Variants in SLC16A7 observed in about 807,000 individuals in gnomAD.
The protein encoded by SLC16A7 is solute carrier family 16 member 7.
Under a neutral mutation model 34.9 loss-of-function variants are expected in SLC16A7, and 33 were observed. The ratio of observed to expected loss-of-function variants is 0.94; its 90% CI spans 0.72 to 1.26. The LOEUF is 1.26. SLC16A7 is among the 50% of genes most tolerant of loss of function. SLC16A7 has a pLI of 0.00. For synonymous variants in SLC16A7, 201 were observed against 206.6 expected, an observed-to-expected ratio of 0.97 and a Z score of 0.23; for missense variants, 573 against 578.1, an observed-to-expected ratio of 0.99 and a Z score of 0.09.
At chr12:59,677,134 C>T (rs1870376371) in intron 2 of SLC16A7, among the ~76,000 whole-genome samples, 1 of 151,982 alleles carries the variant, frequency 6.6e-6, no homozygotes, top group African/African-American at 2.4e-5. Context: ...ATAATGGAAT[C>T]TAGGATGAGA....
At position 59,779,496 on chromosome 12, in the gene SLC16A7, C is replaced by G. The variant is rs952553480; in HGVS notation, c.1254C>G (p.Ser418Arg). The change falls in exon 6 of 6, where the codon AGC (serine) becomes AGG (arginine). Residue 418 changes from serine (S) to arginine (R), a missense_variant. Coordinates refer to ENST00000547379, the MANE Select transcript of SLC16A7 (RefSeq NM_001270623.2). ...MSCGAIVVAA[S>R]VWLLIGNAIN... The stretch of plus-strand genomic sequence containing the variant: ...GTGGGGCTATTGTGGTAGCAGCAAG[C>G]GTGTGGCTGCTCATTGGCAATGCTA... The G allele has an allele frequency of 5.6e-6, 9 of 1,608,902 alleles. No individual in the cohort carries two copies. Among genetic ancestry groups the G allele is most frequent in the Middle Eastern group, 1.7e-4 (1 of 6,040 alleles).
At chr12:59,741,512 A>G (rs556960879) in intron 3 of SLC16A7, among the ~76,000 whole-genome samples, 21 of 152,342 alleles carry the variant, frequency 1.4e-4, no homozygotes, top group African/African-American at 5.0e-4. Flanking sequence ...ATCCAGAGAT[A>G]CAGTGACGGG....
intron 1 of SLC16A7, among the ~76,000 whole-genome samples, chr12:59,627,071 T>A (rs1356679860): frequency 3.3e-5 from 5 of 151,848 alleles, no homozygotes; most frequent in Non-Finnish European, 5.9e-5. Flanking sequence ...CACAGTTGAG[T>A]TGTCTTGTAA....
In SLC16A7 at chr12:59,785,823, GA is replaced by G. The variant is rs1261590442; in HGVS notation, c.*6145del. On this transcript the variant is annotated 3_prime_UTR_variant, in exon 6 of 6. Transcript: ENST00000547379. The stretch of plus-strand genomic sequence containing the variant: ...AATTTAAATATGGCAAAATAAGCTA[GA>G]GAATCTCAGTGTGAAAACACTGATA... 1.3e-5 allele frequency: 2 copies of G among 152,016 alleles called. No homozygotes were observed. 9.4% of individuals were successfully genotyped at this position (152,016 alleles called of 1,614,324 possible). A position where few individuals can be genotyped will look rare whatever the true frequency, so the allele number is the denominator to read the frequency against.
intron 3 of SLC16A7, among the ~76,000 whole-genome samples, chr12:59,730,902 G>A (rs968953289): frequency 1.3e-5 from 2 of 151,992 alleles, no homozygotes; most frequent in African/African-American, 2.4e-5. Flanking sequence ...TGTTTATCCC[G>A]AGACCCATCA....
intron 3 of SLC16A7, among the ~76,000 whole-genome samples, chr12:59,753,074 A>C (rs570640693): frequency 8.5e-5 from 13 of 152,282 alleles, no homozygotes; most frequent in African/African-American, 2.9e-4. Flanking sequence ...TTGTCACCAC[A>C]AGGCCTGCCC....
At chr12:59,707,609 T>C (rs974638365) in intron 3 of SLC16A7, among the ~76,000 whole-genome samples, 1 of 152,092 alleles carries the variant, frequency 6.6e-6, no homozygotes, top group Non-Finnish European at 1.5e-5. Context: ...TAGTTATAAA[T>C]TTGGAAAAAG....
intron 2 of SLC16A7, chr12:59,689,591 G>A (rs1176541962): frequency 6.6e-6 from 1 of 150,436 alleles, no homozygotes; most frequent in Non-Finnish European, 1.5e-5. Context: ...AGATCCTGTG[G>A]GGTTTTTTTT....
At chr12:59,723,129 G>T (rs1356603150) in intron 3 of SLC16A7, among the ~76,000 whole-genome samples, 3 of 151,688 alleles carry the variant, frequency 2.0e-5, no homozygotes, top group Non-Finnish European at 4.4e-5. Flanking sequence ...TGTATTCCTA[G>T]ACATACCCTG....
intron 1 of SLC16A7, among the ~76,000 whole-genome samples, chr12:59,610,341 A>C (rs913534973): frequency 6.6e-6 from 1 of 152,244 alleles, no homozygotes; most frequent in African/African-American, 2.4e-5. Context: ...ACTCTTCCAC[A>C]TGTACAATTC....
rs573131484 is a variant in SLC16A7 at position 59,762,905 on chromosome 12, C to A, written c.218-8314C>A. ...TCATGGGACAGAAAAATGATAAATT[C>A]TGTATTCAATCTACATTTGAACTTA... On this transcript the variant is annotated intron_variant, in intron 3 of 5. Transcript: ENST00000547379. 7.5e-4 allele frequency among the ~76,000 whole-genome samples: 113 copies of A among 151,646 alleles called. 1 individual carries two copies. The highest frequency in any genetic ancestry group is 2.4e-3 in the African/African-American group (101 of 41,430).
At chr12:59,712,605 A>T (rs184362384) in intron 3 of SLC16A7, among the ~76,000 whole-genome samples, 2 of 152,224 alleles carry the variant, frequency 1.3e-5, no homozygotes, top group African/African-American at 4.8e-5. Context: ...TTTCATTCAG[A>T]AACTACTGAT....
rs529599355 is a variant in SLC16A7, at chr12:59,785,522, T to G, written c.*5843T>G. 1 of 152,304 alleles carries G rather than the reference T, an allele frequency of 6.6e-6. No homozygotes were observed. Among genetic ancestry groups the G allele is most frequent in the Admixed American group, 6.5e-5 (1 of 15,288 alleles). The allele number at this position is 152,304 out of a possible 1,614,324, so 9.4% of individuals were successfully genotyped here. On this transcript the variant is annotated 3_prime_UTR_variant, in exon 6 of 6. Transcript: ENST00000547379. ...AATCTCCTGCTTCTTCATCATCTCC[T>G]AAATGTTTTCCTTTCTATGTTTTTA...
chr12:59,771,142 C>T (rs1882180066), intron 3 of SLC16A7, 77 bp from the exon 4 acceptor site: 1 of 1,424,544 alleles, frequency 7.0e-7, no homozygotes, highest in Non-Finnish European at 9.6e-7. Context: ...CTTGCCTTTC[C>T]AAATGATTGG....
chr12:59,617,123 G>A (rs1284415561), intron 1 of SLC16A7, among the ~76,000 whole-genome samples: 1 of 151,960 alleles, frequency 6.6e-6, no homozygotes, highest in South Asian at 2.1e-4. Flanking sequence ...GCAAAATAGG[G>A]AATAAAAAAT....
chr12:59,598,480 C>G (rs1293598373), intron 1 of SLC16A7, among the ~76,000 whole-genome samples: 1 of 145,510 alleles, frequency 6.9e-6, no homozygotes, highest in East Asian at 2.0e-4. Flanking sequence ...TCCCATTTGC[C>G]TTTTAGTCCA....
At chr12:59,757,466 T>C (rs2137370233) in intron 3 of SLC16A7, among the ~76,000 whole-genome samples, 1 of 152,262 alleles carries the variant, frequency 6.6e-6, no homozygotes, top group East Asian at 1.9e-4. Flanking sequence ...CAGAGGGTTC[T>C]AATTATTCAA....
At position 59,789,179 on chromosome 12, in the gene SLC16A7, G is replaced by A. The variant is rs893796526; in HGVS notation, c.*9500G>A. 2.0e-5 allele frequency: 3 copies of A among 152,014 alleles called. No individual in the cohort carries two copies. The highest frequency in any genetic ancestry group is 7.2e-5 in the African/African-American group (3 of 41,414). The allele number at this position is 152,014 out of a possible 1,614,324, so 9.4% of individuals were successfully genotyped here. A position where few individuals can be genotyped will look rare whatever the true frequency, so the allele number is the denominator to read the frequency against. On this transcript the variant is annotated 3_prime_UTR_variant, in exon 6 of 6. Coordinates refer to ENST00000547379, the MANE Select transcript of SLC16A7 (RefSeq NM_001270623.2). ...ACTTTAATATCTAGCAAAGTGCCAG[G>A]CATAGAGTATTCCTTTATTGAAATG...
At chr12:59,722,852 T>G (rs1016995250) in intron 3 of SLC16A7, among the ~76,000 whole-genome samples, 4 of 151,970 alleles carry the variant, frequency 2.6e-5, no homozygotes, top group African/African-American at 9.7e-5. Flanking sequence ...CTATAGAACT[T>G]TCTGTGGTGA....
Sources: gnomAD v4.1 joint callset for allele counts (sites outside exome capture counted in the v4.1 genomes callset) on GRCh38, gnomAD v4.1.1 for gene constraint, MANE v1.5 for transcripts, NCBI Gene and HGNC (gene_info 2026-07-23, HGNC 2026-07-21) for gene names.